KIF18A: variants seen among roughly 807,000 people sequenced by gnomAD.
KIF18A encodes the protein kinesin family member 18A, also known as kinesin-like protein KIF18A.
Under a neutral mutation model 103.3 loss-of-function variants are expected in KIF18A, and 67 were observed. That is an observed-to-expected ratio of 0.65 (90% CI 0.53 to 0.79). KIF18A has a LOEUF of 0.79. Ranked by LOEUF, KIF18A falls within the 30% of genes least tolerant of loss-of-function variation. The pLI, the probability that KIF18A is intolerant of heterozygous loss-of-function variation, is 0.00. For synonymous variants in KIF18A, 367 were observed against 355.5 expected (o/e 1.03, Z -0.36); for missense variants, 1,032 against 1,062.5 (o/e 0.97, Z 0.40).
Position 28,036,355 on chromosome 11 carries a change from A to C in KIF18A, c.2258T>G (p.Ile753Ser). ...ACATTCTTTTCTTCTATTATGAGGG[A>C]TAGCTACTTCACACAACATTTTCAG... ...NCLKMLCEVA[I>S]PHNRRKECGQ... The change falls in exon 14 of 17, where the codon ATC becomes AGC. Residue 753 changes from isoleucine to serine, a missense_variant. Physicochemically the swap from Ile to Ser is moderately radical, Grantham distance 142. Coordinates refer to ENST00000263181, the MANE Select transcript of KIF18A (RefSeq NM_031217.4). 6.2e-7 allele frequency: 1 copy of C among 1,611,274 alleles called. No individual in the cohort carries two copies. The highest frequency in any genetic ancestry group is 2.2e-5 in the East Asian group (1 of 44,764).
At chr11:28,058,745 T>C (rs1034611595) in intron 13 of KIF18A, among the ~76,000 whole-genome samples, 181 bp downstream of exon 13, 1 of 147,670 alleles carries the variant, frequency 6.8e-6, no homozygotes, top group Non-Finnish European at 1.5e-5. Context: ...AGAACATCAA[T>C]GCATACTTGT....
chr11:28,070,723 C>T (rs953620417), intron 10 of KIF18A, among the ~76,000 whole-genome samples: 16 of 152,150 alleles, frequency 1.1e-4, no homozygotes, highest in East Asian at 3.9e-4. Context: ...CTGACCACAG[C>T]GCTAGGATGA....
intron 1 of KIF18A, among the ~76,000 whole-genome samples, chr11:28,101,023 T>C (rs1317089055): frequency 6.6e-6 from 1 of 152,180 alleles, no homozygotes; most frequent in Non-Finnish European, 1.5e-5. Flanking sequence ...ATACCAATTC[T>C]CTTCCTATCT....
In KIF18A at chr11:28,036,593, A is replaced by G. The variant is rs1157360594; in HGVS notation, c.2020T>C (p.Ser674Pro). The stretch of plus-strand genomic sequence containing the variant: ...AGAGTATGCTGTCCTTTCAAGGGAG[A>G]TGGCATTAGTTTTCTCCGAGTTCTT... ...EKRTRRKLMP[S>P]PLKGQHTLKS... Residue 674 changes from serine (S) to proline (P), a missense_variant, in exon 14 of 17, where the codon TCT (serine) becomes CCT (proline). Transcript: ENST00000263181. 2 of 1,610,650 alleles carry G rather than the reference A, an allele frequency of 1.2e-6. No individual in the cohort carries two copies. The highest frequency in any genetic ancestry group is 2.2e-5 in the East Asian group (1 of 44,752).
At position 28,097,907 on chromosome 11, in the gene KIF18A, A is replaced by G; in HGVS notation, c.41T>C (p.Val14Ala). Reference sequence around the variant, plus strand: ...GTTTTCCGGACGTACACGAACTACTACTTTCATATGGTGGCACAGGTCTTC... The same window carrying G: ...GTTTTCCGGACGTACACGAACTACTGCTTTCATATGGTGGCACAGGTCTTC... ...TEEDLCHHMK[V>A]VVRVRPENTK... Residue 14 changes from valine (V) to alanine (A), a missense_variant, in exon 2 of 17, where the codon GTA (valine) becomes GCA (alanine). Coordinates refer to ENST00000263181, the MANE Select transcript of KIF18A (RefSeq NM_031217.4). 1 of 1,601,534 alleles carries G rather than the reference A, an allele frequency of 6.2e-7. No individual in the cohort carries two copies. The highest frequency in any genetic ancestry group is 8.5e-7 in the Non-Finnish European group (1 of 1,174,812).
intron 3 of KIF18A, among the ~76,000 whole-genome samples, chr11:28,093,510 G>T (rs974801658): frequency 5.3e-5 from 8 of 152,098 alleles, no homozygotes; most frequent in African/African-American, 1.9e-4. Flanking sequence ...AAGTTAGAGT[G>T]TCTGCCACTT....
intron 6 of KIF18A, 50 bp downstream of exon 6, chr11:28,088,474 A>C (rs530111430): frequency 1.1e-5 from 15 of 1,406,232 alleles, no homozygotes; most frequent in Non-Finnish European, 1.5e-5. Context: ...TATCTTTCTT[A>C]TCTATTTCAA....
intron 11 of KIF18A, among the ~76,000 whole-genome samples, chr11:28,066,550 G>T (rs1261106414): frequency 2.0e-5 from 3 of 151,538 alleles, no homozygotes; most frequent in Admixed American, 1.3e-4. Context: ...ATCATCTTAA[G>T]ATGGACACAA....
intron 9 of KIF18A, among the ~76,000 whole-genome samples, chr11:28,080,223 T>C (rs1343566625): frequency 6.6e-6 from 1 of 152,106 alleles, no homozygotes; most frequent in Non-Finnish European, 1.5e-5. Flanking sequence ...TCAATATATG[T>C]AAAATAAAAA....
At chr11:28,070,361 G>A (rs953633630) in intron 10 of KIF18A, among the ~76,000 whole-genome samples, 1 of 152,180 alleles carries the variant, frequency 6.6e-6, no homozygotes, top group African/African-American at 2.4e-5. Context: ...CTGGATAGAG[G>A]ATATGAGCTT....
Position 28,097,939 on chromosome 11 carries a change from G to A in KIF18A, c.9C>T (p.Val3=), listed in dbSNP as rs753749146. 2 of 1,564,156 alleles carry A rather than the reference G, an allele frequency of 1.3e-6. No homozygotes were observed. Among genetic ancestry groups the A allele is most frequent in the African/African-American group, 1.4e-5 (1 of 72,684 alleles). Residue 3 remains valine (V), a synonymous_variant, in exon 2 of 17, where the codon GTC becomes GTT. Transcript: ENST00000263181. Reference sequence around the variant, plus strand: ...TATGGTGGCACAGGTCTTCCTCAGTGACAGACATTGTTGATTATCTTGATT... The same window carrying A: ...TATGGTGGCACAGGTCTTCCTCAGTAACAGACATTGTTGATTATCTTGATT... MS[V]TEEDLCHHMK... is the part of the protein sequence containing the mutation.
At position 28,097,700 on chromosome 11, in the gene KIF18A, G is replaced by T. The variant is rs138287092; in HGVS notation, c.248C>A (p.Thr83Lys). ...TTCAAAAACTTCTGACTGAGTTGAC[G>T]TTTCATCAAAAACAGCATCAAATAC... ...KFVFDAVFDE[T>K]STQSEVFEHT... Residue 83 changes from threonine (T) to lysine (K), a missense_variant, in exon 2 of 17, where the codon ACG becomes AAG. Thr to Lys is a moderately conservative substitution (Grantham distance 78). Coordinates refer to ENST00000263181, the MANE Select transcript of KIF18A (RefSeq NM_031217.4). 1.9e-6 allele frequency: 3 copies of T among 1,611,046 alleles called. No homozygotes were observed. In the South Asian group the frequency reaches 3.3e-5, roughly 18 times the overall value.
chr11:28,089,152 C>T (rs1851269750), intron 5 of KIF18A, among the ~76,000 whole-genome samples: 1 of 152,166 alleles, frequency 6.6e-6, no homozygotes, highest in African/African-American at 2.4e-5. Flanking sequence ...TTGATCCAAA[C>T]TGAAGAGTAA....
chr11:28,101,572 G>A (rs1851446903), intron 1 of KIF18A, among the ~76,000 whole-genome samples: 1 of 152,038 alleles, frequency 6.6e-6, no homozygotes, highest in Non-Finnish European at 1.5e-5. Flanking sequence ...TTCCCCATCT[G>A]TAAAGTAAGA....
chr11:28,100,294 A>T (rs1851428416), intron 1 of KIF18A, among the ~76,000 whole-genome samples: 1 of 151,846 alleles, frequency 6.6e-6, no homozygotes, highest in African/African-American at 2.4e-5. Context: ...TAAGAAAATA[A>T]AGGCTGTCCT....
rs541074571 is a variant in KIF18A at position 28,094,916 on chromosome 11, A to G, written c.326-116T>C. The G allele has an allele frequency of 5.2e-6, 5 of 965,562 alleles. No individual in the cohort carries two copies. In the African/African-American group the frequency reaches 6.7e-5, roughly 13 times the overall value. 59.8% of individuals were successfully genotyped at this position (965,562 alleles called of 1,614,324 possible). On this transcript the variant is annotated intron_variant, in intron 2 of 16. Coordinates refer to ENST00000263181, the MANE Select transcript of KIF18A (RefSeq NM_031217.4). ...CTGAACAGTATCTTTAAACCCTACAAATCCAAAATTATAGTCTTATCCTTA... is the reference window on the plus strand; with the variant it reads ...CTGAACAGTATCTTTAAACCCTACAGATCCAAAATTATAGTCTTATCCTTA...
At chr11:28,029,712 T>C (rs1215101842) in intron 15 of KIF18A, among the ~76,000 whole-genome samples, 1 of 150,620 alleles carries the variant, frequency 6.6e-6, no homozygotes, top group Admixed American at 6.7e-5. Flanking sequence ...ATAAAAGGTA[T>C]TCAATTAGGA....
intron 6 of KIF18A, among the ~76,000 whole-genome samples, chr11:28,086,231 T>C (rs994341012): frequency 1.3e-5 from 2 of 152,132 alleles, no homozygotes; most frequent in Non-Finnish European, 2.9e-5. Flanking sequence ...AGATGTCCTA[T>C]ACAAATATAC....
At chr11:28,028,583 T>C (rs1850351935) in intron 15 of KIF18A, among the ~76,000 whole-genome samples, 1 of 151,720 alleles carries the variant, frequency 6.6e-6, no homozygotes, top group Non-Finnish European at 1.5e-5. Context: ...GCAGGAAAGA[T>C]CTAAAATTGA....
Sources: allele counts gnomAD v4.1 joint callset (sites outside exome capture counted in the v4.1 genomes callset), GRCh38; gene constraint gnomAD v4.1.1; transcripts MANE v1.5; gene names NCBI Gene and HGNC (gene_info 2026-07-23, HGNC 2026-07-21).